GTF2A1: variants seen among roughly 807,000 people sequenced by gnomAD.
GTF2A1 encodes general transcription factor IIA subunit 1, also known as transcription initiation factor IIA subunit 1.
Under a neutral mutation model 54.1 loss-of-function variants are expected in GTF2A1, and 12 were observed. The observed-to-expected ratio is 0.22, with a 90% CI of 0.14 to 0.36. The LOEUF is 0.36. Among genes scored for constraint, GTF2A1 ranks in the 10% least tolerant of loss-of-function variants. The probability of loss-of-function intolerance (pLI) is 1.00; values close to 1 mark genes in which losing one functional copy is unlikely to be tolerated. For synonymous variants in GTF2A1, 145 were observed against 152.0 expected, an observed-to-expected ratio of 0.95 and a Z score of 0.34; for missense variants, 335 against 442.2, an observed-to-expected ratio of 0.76 and a Z score of 2.17.
chr14:81,181,294 T>C (rs955818627), intron 8 of GTF2A1, among the ~76,000 whole-genome samples: 7 of 151,672 alleles, frequency 4.6e-5, no homozygotes, highest in Non-Finnish European at 8.8e-5. Flanking sequence ...CCACATCTTC[T>C]GCAAAGAAGG....
At chr14:81,194,970 T>C (rs534067702) in intron 6 of GTF2A1, among the ~76,000 whole-genome samples, 32 of 151,906 alleles carry the variant, frequency 2.1e-4, no homozygotes, top group African/African-American at 7.5e-4. Flanking sequence ...TGAAACTCTG[T>C]CTCTATTAAA....
At chr14:81,214,633 G>T (rs1285600874) in intron 2 of GTF2A1, among the ~76,000 whole-genome samples, 2 of 146,226 alleles carry the variant, frequency 1.4e-5, no homozygotes, top group Non-Finnish European at 3.0e-5. Context: ...GTGACAGAGC[G>T]AAACTCCGTC....
At chr14:81,185,652 A>C (rs778456740) in intron 7 of GTF2A1, 32 bp from the exon 8 acceptor site, 2 of 1,190,932 alleles carry the variant, frequency 1.7e-6, no homozygotes, top group South Asian at 2.5e-5. Flanking sequence ...TTATTACTAT[A>C]AGAAGGCCTT....
intron 8 of GTF2A1, among the ~76,000 whole-genome samples, chr14:81,181,289 T>A (rs2140144573): frequency 6.6e-6 from 1 of 151,714 alleles, no homozygotes; most frequent in South Asian, 2.1e-4. Flanking sequence ...AAGTTCCACA[T>A]CTTCTGCAAA....
rs1892522500 is a variant in GTF2A1, at chr14:81,176,123, A to G, written c.*4100T>C. 1 of 152,168 alleles carries G rather than the reference A, an allele frequency of 6.6e-6. No homozygotes were observed. Among genetic ancestry groups the G allele is most frequent in the South Asian group, 2.1e-4 (1 of 4,838 alleles). The allele number at this position is 152,168 out of a possible 1,614,324, so 9.4% of individuals were successfully genotyped here. A position where few individuals can be genotyped will look rare whatever the true frequency, so the allele number is the denominator to read the frequency against. ...ATCTATAACAATGCCATATACTAGT[A>G]AGCAAAGCAAGCAACATTTTTTTTT... On this transcript the variant is annotated 3_prime_UTR_variant, in exon 9 of 9. Coordinates refer to ENST00000553612, the MANE Select transcript of GTF2A1 (RefSeq NM_015859.4).
intron 7 of GTF2A1, among the ~76,000 whole-genome samples, chr14:81,187,352 C>T (rs752091430): frequency 1.4e-4 from 19 of 137,078 alleles, no homozygotes; most frequent in Non-Finnish European, 2.4e-4. Flanking sequence ...GAAACTCCGT[C>T]TCAAAAAAAA....
chr14:81,214,200 G>C (rs945993363), intron 2 of GTF2A1, among the ~76,000 whole-genome samples: 2 of 152,014 alleles, frequency 1.3e-5, no homozygotes, highest in Non-Finnish European at 2.9e-5. Flanking sequence ...TTGCAGCCTC[G>C]ACACCTATGC....
At chr14:81,216,603 C>A in intron 1 of GTF2A1, 89 bp from the exon 2 acceptor site, 1 of 636,046 alleles carries the variant, frequency 1.6e-6, no homozygotes, top group Non-Finnish European at 2.8e-6. Flanking sequence ...AACGAATAGT[C>A]ATTTTGCCAA....
rs1893620617 is a variant in GTF2A1, at chr14:81,220,751, A to C, written c.-233T>G. 3 of 377,946 alleles carry C rather than the reference A, an allele frequency of 7.9e-6. No individual in the cohort carries two copies. Among genetic ancestry groups the C allele is most frequent in the Admixed American group, 4.7e-5 (1 of 21,400 alleles). 23.4% of individuals were successfully genotyped at this position (377,946 alleles called of 1,614,324 possible). On this transcript the variant is annotated 5_prime_UTR_variant, in exon 1 of 9. Transcript: ENST00000553612. The stretch of plus-strand genomic sequence containing the variant: ...GAGAATCGCCTTAAAAAAAAAAAAA[A>C]AGCCACGACCCTTCAGGGGTCCGGG...
chr14:81,191,446 T>G, intron 7 of GTF2A1, among the ~76,000 whole-genome samples: 1 of 152,088 alleles, frequency 6.6e-6, no homozygotes. Context: ...AATTGACAAA[T>G]AAAATTATGG....
At chr14:81,207,165 A>ACCTG (rs1167275125) in intron 2 of GTF2A1, among the ~76,000 whole-genome samples, 1 of 151,606 alleles carries the variant, frequency 6.6e-6, no homozygotes, top group Non-Finnish European at 1.5e-5. Context: ...CTACCTACCT[A>ACCTG]CCTACCTACC....
At chr14:81,184,498 C>T (rs895800006) in intron 8 of GTF2A1, among the ~76,000 whole-genome samples, 4 of 152,156 alleles carry the variant, frequency 2.6e-5, no homozygotes, top group African/African-American at 9.7e-5. Context: ...TTACTGTCTT[C>T]ATTCTATAAC....
At chr14:81,211,238 A>G (rs1260607977) in intron 2 of GTF2A1, among the ~76,000 whole-genome samples, 1 of 152,136 alleles carries the variant, frequency 6.6e-6, no homozygotes, top group African/African-American at 2.4e-5. Context: ...TCTGTACCCC[A>G]GGACCCTCAC....
intron 8 of GTF2A1, among the ~76,000 whole-genome samples, chr14:81,184,291 T>C (rs1218509673): frequency 6.6e-6 from 1 of 152,190 alleles, no homozygotes; most frequent in South Asian, 2.1e-4. Context: ...TCTGGATAAT[T>C]TGGTTGCAAG....
In GTF2A1 at chr14:81,204,081, C is replaced by T; in HGVS notation, c.156G>A (p.Gln52=). 1 of 1,613,092 alleles carries T rather than the reference C, an allele frequency of 6.2e-7. No homozygotes were observed. The highest frequency in any genetic ancestry group is 8.5e-7 in the Non-Finnish European group (1 of 1,179,144). Residue 52 remains glutamine, a synonymous_variant, in exon 3 of 9, where the codon CAG becomes CAA. Coordinates refer to ENST00000553612, the MANE Select transcript of GTF2A1 (RefSeq NM_015859.4). ...AATGAAATCCATCTACTGCCCTGGA[C>T]TGCATTAGTTTGTTTTCCCATAACT... is the stretch of plus-strand genomic sequence containing the variant. ...LKTLWENKLM[Q]SRAVDGFHSE...
At chr14:81,197,715 C>T (rs1052434662) in intron 4 of GTF2A1, among the ~76,000 whole-genome samples, 2 of 152,210 alleles carry the variant, frequency 1.3e-5, no homozygotes, top group South Asian at 2.1e-4. Context: ...GTTTTTTCCC[C>T]TAGAGAAGGT....
At position 81,176,049 on chromosome 14, in the gene GTF2A1, C is replaced by T. The variant is rs1255856954; in HGVS notation, c.*4174G>A. ...TTTTGTTGTTGTTAAATGGAATTCT[C>T]ATTAACAATGTAAAGCATTTTCCTT... On this transcript the variant is annotated 3_prime_UTR_variant, in exon 9 of 9. Transcript: ENST00000553612. 1 of 152,102 alleles carries T rather than the reference C, an allele frequency of 6.6e-6. No individual in the cohort carries two copies. The highest frequency in any genetic ancestry group is 1.5e-5 in the Non-Finnish European group (1 of 67,984). 9.4% of individuals were successfully genotyped at this position (152,102 alleles called of 1,614,324 possible).
chr14:81,216,886 C>T (rs1483782542), intron 1 of GTF2A1, among the ~76,000 whole-genome samples: 1 of 152,170 alleles, frequency 6.6e-6, no homozygotes, highest in Non-Finnish European at 1.5e-5. Context: ...TACTACCTCA[C>T]CACTGTATCT....
intron 7 of GTF2A1, among the ~76,000 whole-genome samples, chr14:81,188,701 C>A (rs757196675): frequency 6.6e-6 from 1 of 151,682 alleles, no homozygotes; most frequent in Non-Finnish European, 1.5e-5. Flanking sequence ...GGTGTGAACC[C>A]GGGAGGCTGA....
Sources: allele counts gnomAD v4.1 joint callset (sites outside exome capture counted in the v4.1 genomes callset), GRCh38; gene constraint gnomAD v4.1.1; transcripts MANE v1.5; gene names NCBI Gene and HGNC (gene_info 2026-07-23, HGNC 2026-07-21).